The following ALB variants were observed in gnomAD, a reference collection of about 807,000 sequenced individuals.
ALB encodes the protein albumin.
ALB carries 37 observed loss-of-function variants against 74.5 expected under a neutral mutation model. That is an observed-to-expected ratio of 0.50 (90% CI 0.38 to 0.65). ALB has a LOEUF of 0.65. Among genes scored for constraint, ALB ranks in the 30% least tolerant of loss-of-function variants. The pLI is 0.00. For synonymous variants in ALB, 249 were observed against 251.6 expected (o/e 0.99, Z 0.10); for missense variants, 685 against 718.7 (o/e 0.95, Z 0.54).
At chr4:73,406,783 A>T (rs1470038024) in intron 3 of ALB, 22 bp downstream of exon 3, 4 of 1,612,992 alleles carry the variant, frequency 2.5e-6, no homozygotes, top group Non-Finnish European at 3.4e-6. Flanking sequence ...CTAATTGTGG[A>T]GATTCTTTCT....
Position 73,420,186 on chromosome 4 carries a change from A to G in ALB, c.1786-68A>G, listed in dbSNP as rs1477129265. 5 of 1,388,438 alleles carry G rather than the reference A, an allele frequency of 3.6e-6. No individual in the cohort carries two copies. The African/African-American group carries it at 7.1e-5, about 20-fold the overall frequency. The allele number at this position is 1,388,438 out of a possible 1,614,324, so 86.0% of individuals were successfully genotyped here. On this transcript the variant is annotated intron_variant, in intron 13 of 14. Coordinates refer to ENST00000295897, the MANE Select transcript of ALB (RefSeq NM_000477.7). ...CTTTGCAATCATCAATAGCTTCATAAATGTTAATTTTGTATCCTAATAGTA... is the reference window on the plus strand; with the variant it reads ...CTTTGCAATCATCAATAGCTTCATAGATGTTAATTTTGTATCCTAATAGTA...
chr4:73,420,644 G>T (rs1256865288), intron 14 of ALB: 1 of 284,038 alleles, frequency 3.5e-6, no homozygotes, highest in African/African-American at 2.2e-5. Flanking sequence ...GGTACACAGA[G>T]CCATCCAAGT....
chr4:73,413,561 T>C lies in ALB; in HGVS notation c.985T>C (p.Leu329=), dbSNP rs762416461. Residue 329 remains leucine, a synonymous_variant, in exon 8 of 15, where the codon TTA becomes CTA. Transcript: ENST00000295897. ...TGAGATGCCTGCTGACTTGCCTTCA[T>C]TAGCTGCTGATTTTGTTGAAAGTAA... ...NDEMPADLPS[L]AADFVESKDV... 16 of 1,614,088 alleles carry C rather than the reference T, an allele frequency of 9.9e-6. No individual in the cohort carries two copies. In the African/African-American group the frequency reaches 2.0e-4, roughly 20 times the overall value.
At position 73,421,175 on chromosome 4, in the gene ALB, C is replaced by A; in HGVS notation, c.*107C>A. ...TTTTTCGTTGGTGTAAAGCCAACAC[C>A]CTGTCTAAAAAACATAAATTTCTTT... On this transcript the variant is annotated 3_prime_UTR_variant, in exon 15 of 15. Coordinates refer to ENST00000295897, the MANE Select transcript of ALB (RefSeq NM_000477.7). 1.5e-6 allele frequency: 1 copy of A among 665,346 alleles called. No individual in the cohort carries two copies. The highest frequency in any genetic ancestry group is 2.7e-6 in the Non-Finnish European group (1 of 373,516). 41.2% of individuals were successfully genotyped at this position (665,346 alleles called of 1,614,324 possible). A position where few individuals can be genotyped will look rare whatever the true frequency, so the allele number is the denominator to read the frequency against.
intron 5 of ALB, 29 bp from the exon 6 acceptor site, chr4:73,410,283 A>G (rs1486811293): frequency 3.8e-6 from 6 of 1,583,038 alleles, no homozygotes; most frequent in Non-Finnish European, 5.2e-6. Context: ...TTTTTCTTCT[A>G]ATTTTCATCA....
intron 4 of ALB, 69 bp downstream of exon 4, chr4:73,408,874 A>G: frequency 7.8e-7 from 1 of 1,276,682 alleles, no homozygotes; most frequent in Non-Finnish European, 1.1e-6. Context: ...AACACTCTAT[A>G]AAAATTACCA....
chr4:73,405,281 C>A, intron 2 of ALB, 108 bp downstream of exon 2: 1 of 968,758 alleles, frequency 1.0e-6, no homozygotes, highest in Non-Finnish European at 1.6e-6. Context: ...TAAAACAGTG[C>A]TGCCTCGTAG....
intron 11 of ALB, 44 bp from the exon 12 acceptor site, chr4:73,418,044 A>G: frequency 6.3e-7 from 1 of 1,591,194 alleles, no homozygotes; most frequent in Non-Finnish European, 8.6e-7. Flanking sequence ...GAAAATTTTC[A>G]GCTTCACCTC....
Position 73,412,278 on chromosome 4 carries a change from T to C in ALB, c.843+153T>C, listed in dbSNP as rs896751518. 4.5e-5 allele frequency: 43 copies of C among 966,040 alleles called. No individual in the cohort carries two copies. In the South Asian group the frequency reaches 5.0e-4, roughly 11 times the overall value. 59.8% of individuals were successfully genotyped at this position (966,040 alleles called of 1,614,324 possible). A position where few individuals can be genotyped will look rare whatever the true frequency, so the allele number is the denominator to read the frequency against. ...TTCAATCTTTCCCTGCCTATGGTGGTGGTACCTTTCTGTTTTTAACCTGGC... is the reference window on the plus strand; with the variant it reads ...TTCAATCTTTCCCTGCCTATGGTGGCGGTACCTTTCTGTTTTTAACCTGGC... On this transcript the variant is annotated intron_variant, in intron 7 of 14. Coordinates refer to ENST00000295897, the MANE Select transcript of ALB (RefSeq NM_000477.7).
At chr4:73,411,872 T>A (rs1159502667) in intron 6 of ALB, 124 bp from the exon 7 acceptor site, 16 of 1,270,948 alleles carry the variant, frequency 1.3e-5, no homozygotes, top group South Asian at 1.1e-4. Flanking sequence ...CTAGAACTAA[T>A]GAATTTTAAA....
rs1252343523 is a variant in ALB, at chr4:73,420,444, T to A, written c.*23+123T>A. The A allele has an allele frequency of 2.5e-5, 14 of 549,088 alleles. No individual in the cohort carries two copies. In the South Asian group the frequency reaches 5.4e-4, roughly 21 times the overall value. 34.0% of individuals were successfully genotyped at this position (549,088 alleles called of 1,614,324 possible). A position where few individuals can be genotyped will look rare whatever the true frequency, so the allele number is the denominator to read the frequency against. On this transcript the variant is annotated intron_variant, in intron 14 of 14. Transcript: ENST00000295897. ...ACCACTATTCTAAACTATTTATGTA[T>A]GTAAATATTAGCTTTTAAAATTCTC...
Position 73,415,281 on chromosome 4 carries a change from G to A in ALB, c.1191+114G>A, listed in dbSNP as rs2093406676. 1.1e-5 allele frequency: 14 copies of A among 1,315,142 alleles called. No homozygotes were observed. In the South Asian group the frequency reaches 1.6e-4, roughly 15 times the overall value. The allele number at this position is 1,315,142 out of a possible 1,614,324, so 81.5% of individuals were successfully genotyped here. A position where few individuals can be genotyped will look rare whatever the true frequency, so the allele number is the denominator to read the frequency against. ...TACAGTGCAATTTAGATCTTTTCTTGAGATGGTTTCAATTCTGGAATCTTA... is the reference window on the plus strand; with the variant it reads ...TACAGTGCAATTTAGATCTTTTCTTAAGATGGTTTCAATTCTGGAATCTTA... On this transcript the variant is annotated intron_variant, in intron 9 of 14. Transcript: ENST00000295897.
At chr4:73,409,230 T>C (rs1718807144) in intron 4 of ALB, 125 bp from the exon 5 acceptor site, 2 of 1,027,328 alleles carry the variant, frequency 1.9e-6, no homozygotes, top group African/African-American at 3.2e-5. Flanking sequence ...CATGTGCAAA[T>C]TGAGCTTAAT....
At chr4:73,412,269 C>T in intron 7 of ALB, 144 bp downstream of exon 7, 2 of 1,030,504 alleles carry the variant, frequency 1.9e-6, no homozygotes, top group Non-Finnish European at 3.0e-6. Context: ...CTTTCCCTGC[C>T]TATGGTGGTG....
chr4:73,410,231 C>T, intron 5 of ALB, 81 bp from the exon 6 acceptor site: 1 of 1,076,016 alleles, frequency 9.3e-7, no homozygotes, highest in Non-Finnish European at 1.4e-6. Context: ...TTTAATTTGG[C>T]ACAGTCTCAT....
At chr4:73,417,484 TAGAC>T in intron 10 of ALB, 43 bp from the exon 11 acceptor site, 1 of 1,610,058 alleles carries the variant, frequency 6.2e-7, no homozygotes, top group Non-Finnish European at 8.5e-7. Context: ...TCTACTATGT[TAGAC>T]AGTTTCTTGC....
At chr4:73,420,852 AT>A (rs1719124670) in intron 14 of ALB, 2 of 406,540 alleles carry the variant, frequency 4.9e-6, no homozygotes, top group African/African-American at 4.1e-5. Context: ...TACATTTCCA[AT>A]TTGTCAACAT....
chr4:73,407,604 T>C (rs529564219), intron 3 of ALB, among the ~76,000 whole-genome samples: 3 of 152,336 alleles, frequency 2.0e-5, no homozygotes, highest in South Asian at 4.1e-4. Context: ...AGAGATGATA[T>C]CATGGTTTTT....
In ALB at chr4:73,412,061, C is replaced by T; in HGVS notation, c.779C>T (p.Thr260Ile). The T allele has an allele frequency of 6.2e-7, 1 of 1,614,124 alleles. No homozygotes were observed. The highest frequency in any genetic ancestry group is 8.5e-7 in the Non-Finnish European group (1 of 1,180,008). ...AEFAEVSKLV[T>I]DLTKVHTECC... ...TTTGCAGAAGTTTCCAAGTTAGTGACAGATCTTACCAAAGTCCACACGGAA... is the reference window on the plus strand; with the variant it reads ...TTTGCAGAAGTTTCCAAGTTAGTGATAGATCTTACCAAAGTCCACACGGAA... Residue 260 changes from threonine to isoleucine, a missense_variant, in exon 7 of 15, where the codon ACA becomes ATA. By Grantham distance (89) the Thr-to-Ile change is moderately conservative (BLOSUM62 -1). Coordinates refer to ENST00000295897, the MANE Select transcript of ALB (RefSeq NM_000477.7).
Sources: gnomAD v4.1 joint callset for allele counts (sites outside exome capture counted in the v4.1 genomes callset) on GRCh38, gnomAD v4.1.1 for gene constraint, MANE v1.5 for transcripts, NCBI Gene and HGNC (gene_info 2026-07-23, HGNC 2026-07-21) for gene names.